IK: variants seen among roughly 807,000 people sequenced by gnomAD.
The protein encoded by IK is IK cytokine.
Under a neutral mutation model 90.9 loss-of-function variants are expected in IK, and 47 were observed. That is an observed-to-expected ratio of 0.52 (90% CI 0.41 to 0.66). IK has a LOEUF of 0.66. Ranked by LOEUF, IK falls within the 30% of genes least tolerant of loss-of-function variation. IK has a pLI of 0.00. For synonymous variants in IK, 201 were observed against 227.5 expected (o/e 0.88, Z 1.05); for missense variants, 385 against 709.3 (o/e 0.54, Z 5.19).
rs763323569 is a variant in IK at position 140,648,548 on chromosome 5, T to C, written c.83+11T>C. Reference sequence around the variant, plus strand: ...TCACTCCTTCCACCAGTGAGTATTTTGTGCTAGGACCATGGAAATGAGTTG... The same window carrying C: ...TCACTCCTTCCACCAGTGAGTATTTCGTGCTAGGACCATGGAAATGAGTTG... On this transcript the variant is annotated intron_variant, in intron 2 of 19. Coordinates refer to ENST00000417647, the MANE Select transcript of IK (RefSeq NM_006083.4). 6.2e-7 allele frequency: 1 copy of C among 1,613,098 alleles called. No individual in the cohort carries two copies. The highest frequency in any genetic ancestry group is 2.2e-5 in the East Asian group (1 of 44,882).
At position 140,662,282 on chromosome 5, in the gene IK, C is replaced by G; in HGVS notation, c.1647-20C>G. ...TTAGTGTATTGATCTTATACTGACC[C>G]ATTTCTCCTTCCATTGCAGGGTTGA... On this transcript the variant is annotated intron_variant, in intron 19 of 19. Coordinates refer to ENST00000417647, the MANE Select transcript of IK (RefSeq NM_006083.4). 6.2e-7 allele frequency: 1 copy of G among 1,613,964 alleles called. No individual in the cohort carries two copies. Among genetic ancestry groups the G allele is most frequent in the African/African-American group, 1.3e-5 (1 of 75,044 alleles).
In IK at chr5:140,662,319, C is replaced by T. The variant is rs750755685; in HGVS notation, c.1664C>T (p.Pro555Leu). 4 of 1,613,864 alleles carry T rather than the reference C, an allele frequency of 2.5e-6. No homozygotes were observed. In the South Asian group the frequency reaches 4.4e-5, roughly 18 times the overall value. ...CATTGCAGGGTTGAAGTCAAAAGAC[C>T]AAAATACTAATCACTAGTTACAACC... ...MEADGVEVKR[P>L]KY The change falls in exon 20 of 20, where the codon CCA (proline) becomes CTA (leucine). Residue 555 changes from proline to leucine, a missense_variant. Physicochemically the swap from Pro to Leu is moderately conservative, Grantham distance 98. This residue lies in a region of IK where 29 missense variants were observed against 41.8 expected (regional missense o/e 0.69). Transcript: ENST00000417647.
intron 5 of IK, among the ~76,000 whole-genome samples, chr5:140,653,349 C>A (rs1303574261): frequency 6.6e-6 from 1 of 150,604 alleles, no homozygotes; most frequent in South Asian, 2.1e-4. Flanking sequence ...TGCAGTGGCA[C>A]GATCTTGGCT....
chr5:140,660,289 C>CTTTTTTTTTT (rs1387044855), intron 15 of IK, 94 bp downstream of exon 15: 64 of 282,672 alleles, frequency 2.3e-4, no homozygotes, highest in South Asian at 3.7e-4. Flanking sequence ...CCCAGGGCTA[C>CTTTTTTTTTT]TTCTTTTTTT....
Position 140,657,607 on chromosome 5 carries a change from C to T in IK, c.855C>T (p.Ile285=), listed in dbSNP as rs1757733073. 2 of 1,613,542 alleles carry T rather than the reference C, an allele frequency of 1.2e-6. No homozygotes were observed. The highest frequency in any genetic ancestry group is 1.1e-5 in the South Asian group (1 of 91,032). Residue 285 remains isoleucine (I), a synonymous_variant, in exon 10 of 20, where the codon ATC becomes ATT. Transcript: ENST00000417647. ...NDIVISKLTQ[I]LSYLRQGTRN... Reference sequence around the variant, plus strand: ...TTGTCATTAGCAAGCTGACCCAGATCCTTTCATACCTGAGGCAGGGAACCC... The same window carrying T: ...TTGTCATTAGCAAGCTGACCCAGATTCTTTCATACCTGAGGCAGGGAACCC...
intron 1 of IK, 97 bp downstream of exon 1, chr5:140,648,021 T>C: frequency 1.1e-6 from 1 of 944,982 alleles, no homozygotes; most frequent in Non-Finnish European, 1.7e-6. Flanking sequence ...TGTGTGTGTG[T>C]GTGTGTGTGT....
At chr5:140,659,923 C>T (rs745737844) in intron 14 of IK, 89 bp downstream of exon 14, 13 of 1,005,446 alleles carry the variant, frequency 1.3e-5, no homozygotes, top group Admixed American at 4.0e-5. Flanking sequence ...TCCTACCCTG[C>T]CCCTCTCCTT....
At chr5:140,648,044 G>GTGTA (rs1313035211) in intron 1 of IK, 120 bp downstream of exon 1, 4 of 398,978 alleles carry the variant, frequency 1.0e-5, no homozygotes, top group South Asian at 5.9e-5. Flanking sequence ...GTGTGTGTGT[G>GTGTA]TATGTATGTA....
chr5:140,654,758 C>T (rs1321418659), intron 8 of IK, 31 bp downstream of exon 8: 1 of 1,392,768 alleles, frequency 7.2e-7, no homozygotes, highest in Admixed American at 1.8e-5. Context: ...AGTGACTATG[C>T]ATTCTGGATG....
At position 140,661,885 on chromosome 5, in the gene IK, A is replaced by G. The variant is rs1561981608; in HGVS notation, c.1503-14A>G. 1.3e-6 allele frequency: 2 copies of G among 1,596,572 alleles called. No homozygotes were observed. Among genetic ancestry groups the G allele is most frequent in the Non-Finnish European group, 1.7e-6 (2 of 1,170,708 alleles). On this transcript the variant is annotated splice_polypyrimidine_tract_variant and intron_variant, in intron 17 of 19. Coordinates refer to ENST00000417647, the MANE Select transcript of IK (RefSeq NM_006083.4). The surrounding 1 kb of genome is among the most constrained non-coding windows in gnomAD (Gnocchi z 4.2). Reference sequence around the variant, plus strand: ...GCAATCTCTGATGCATTCTTTCCCAACTGCTTTTTTCAGGGCTGCATTCCA... The same window carrying G: ...GCAATCTCTGATGCATTCTTTCCCAGCTGCTTTTTTCAGGGCTGCATTCCA...
rs1757815831 is a variant in IK, at chr5:140,662,359, A to G, written c.*30A>G. Reference sequence around the variant, plus strand: ...TAGTTACAACCAGAGATGCTCCACAAGGATATGCTCCCCACTGTTTTCTTT... The same window carrying G: ...TAGTTACAACCAGAGATGCTCCACAGGGATATGCTCCCCACTGTTTTCTTT... On this transcript the variant is annotated 3_prime_UTR_variant, in exon 20 of 20. Coordinates refer to ENST00000417647, the MANE Select transcript of IK (RefSeq NM_006083.4). 1 of 1,610,372 alleles carries G rather than the reference A, an allele frequency of 6.2e-7. No homozygotes were observed. Among genetic ancestry groups the G allele is most frequent in the East Asian group, 2.2e-5 (1 of 44,880 alleles).
At chr5:140,648,321 G>A (rs1158286553) in intron 1 of IK, 150 bp from the exon 2 acceptor site, 1 of 773,482 alleles carries the variant, frequency 1.3e-6, no homozygotes, top group Non-Finnish European at 2.3e-6. Context: ...ACAGCTTCTT[G>A]TAGTTTCCTA....
intron 6 of IK, among the ~76,000 whole-genome samples, 180 bp downstream of exon 6, chr5:140,654,232 C>T (rs1023714966): frequency 1.3e-5 from 2 of 152,142 alleles, no homozygotes; most frequent in African/African-American, 4.8e-5. Context: ...ATTTTATTTC[C>T]TTGGAGAAAC....
intron 9 of IK, among the ~76,000 whole-genome samples, chr5:140,656,311 G>C (rs952054762): frequency 6.6e-6 from 1 of 152,202 alleles, no homozygotes; most frequent in Admixed American, 6.5e-5. Context: ...TCCTGCCGCA[G>C]CCTTCCAAGT....
At chr5:140,649,270 G>A (rs1757568742) in intron 2 of IK, among the ~76,000 whole-genome samples, 1 of 138,720 alleles carries the variant, frequency 7.2e-6, no homozygotes, top group Non-Finnish European at 1.5e-5. Context: ...GTGCAGTGAT[G>A]CAATCTTGGC....
chr5:140,652,175 T>G (rs1393981800), intron 4 of IK, 28 bp downstream of exon 4: 2 of 1,571,130 alleles, frequency 1.3e-6, no homozygotes, highest in Admixed American at 1.7e-5. Context: ...GGTTTTAGAT[T>G]TTAAGGTGGA....
intron 2 of IK, chr5:140,648,741 GTTTTT>G: frequency 2.1e-6 from 1 of 466,378 alleles, no homozygotes. Context: ...AAGGTGTTAA[GTTTTT>G]TTTTTTTTTT....
intron 4 of IK, 46 bp downstream of exon 4, chr5:140,652,193 T>A: frequency 6.9e-7 from 1 of 1,446,716 alleles, no homozygotes; most frequent in East Asian, 2.3e-5. Context: ...GGATAGTGTT[T>A]AGGGGAAAGA....
chr5:140,653,286 CTTTT>C (rs58111764), intron 5 of IK, 142 bp downstream of exon 5: 1,290 of 368,628 alleles, frequency 3.5e-3, no homozygotes, highest in South Asian at 5.1e-3. Context: ...AAGGGCTGTT[CTTTT>C]TTTTTTTTTT....
Sources: allele counts gnomAD v4.1 joint callset (sites outside exome capture counted in the v4.1 genomes callset), GRCh38; gene constraint gnomAD v4.1.1; regional missense constraint gnomAD v4.1.1; non-coding constraint Gnocchi (gnomAD v3.1); transcripts MANE v1.5; gene names NCBI Gene and HGNC (gene_info 2026-07-23, HGNC 2026-07-21).